The following RIMS2 variants were observed in gnomAD, a reference collection of about 807,000 sequenced individuals.
RIMS2 encodes regulating synaptic membrane exocytosis protein 2.
Under a neutral mutation model 174.4 loss-of-function variants are expected in RIMS2, and 59 were observed. The ratio of observed to expected loss-of-function variants is 0.34; its 90% CI spans 0.27 to 0.42. RIMS2 has a LOEUF of 0.42. Ranked by LOEUF, RIMS2 falls within the 10% of genes least tolerant of loss-of-function variation. RIMS2 has a pLI of 1.00. For synonymous variants in RIMS2, 606 were observed against 572.5 expected (o/e 1.06, Z -0.84); for missense variants, 1,620 against 1,666.3 (o/e 0.97, Z 0.48).
At chr8:104,093,712 A>G in intron 19 of RIMS2, 69 bp downstream of exon 24, 1 of 1,232,242 alleles carries the variant, frequency 8.1e-7, no homozygotes, top group Non-Finnish European at 1.1e-6. Flanking sequence ...CCGGATGAAC[A>G]TAAAATTATT....
chr8:103,748,581 C>T (rs1419325035), intron 2 of RIMS2, among the ~76,000 whole-genome samples: 1 of 152,168 alleles, frequency 6.6e-6, no homozygotes, highest in Non-Finnish European at 1.5e-5. Context: ...CAAGGTCGTT[C>T]TGGTGATTTC....
intron 19 of RIMS2, among the ~76,000 whole-genome samples, chr8:104,119,883 A>G (rs2098343859): frequency 6.6e-6 from 1 of 152,240 alleles, no homozygotes; most frequent in Non-Finnish European, 1.5e-5. Flanking sequence ...ATGAAAATGC[A>G]TGTATTAATA....
chr8:103,756,635 A>G (rs1006131687), intron 2 of RIMS2, among the ~76,000 whole-genome samples: 1 of 151,906 alleles, frequency 6.6e-6, no homozygotes, highest in African/African-American at 2.4e-5. Context: ...CATGTTGCCC[A>G]GGCTGGTCTC....
At chr8:103,809,308 A>G (rs1267193357) in intron 3 of RIMS2, among the ~76,000 whole-genome samples, 4 of 151,794 alleles carry the variant, frequency 2.6e-5, no homozygotes, top group Non-Finnish European at 5.9e-5. Context: ...TCTGAACTCC[A>G]AGATTATTTC....
chr8:103,921,173 C>T (rs1041609467), intron 9 of RIMS2, among the ~76,000 whole-genome samples: 20 of 152,120 alleles, frequency 1.3e-4, no homozygotes, highest in African/African-American at 4.8e-4. Flanking sequence ...AAATATTTAA[C>T]ATTTTATTCC....
At position 104,071,012 on chromosome 8, in the gene RIMS2, C is replaced by G. The variant is rs149757318; in HGVS notation, c.3334+56397C>G. Reference sequence around the variant, plus strand: ...CAACACTGAGCTTCTTAACAAGCAGCAAAGGCAGAAAGGGAAACTTGATCA... The same window carrying G: ...CAACACTGAGCTTCTTAACAAGCAGGAAAGGCAGAAAGGGAAACTTGATCA... On this transcript the variant is annotated intron_variant, in intron 19 of 23. Coordinates refer to ENST00000504942, the Ensembl canonical transcript of RIMS2. 7.0e-3 allele frequency among the ~76,000 whole-genome samples: 1,068 copies of G among 152,058 alleles called. 4 individuals carry two copies. The highest frequency in any genetic ancestry group is 0.012 in the Non-Finnish European group (811 of 67,996).
chr8:103,766,335 G>A (rs755533991), exon 3 of RIMS2: 1 of 1,613,470 alleles, frequency 6.2e-7, no homozygotes, highest in South Asian at 1.1e-5. Flanking sequence ...TGATCAAAAG[G>A]TTCTTCGAGG....
chr8:103,754,119 G>A (rs2097939751), intron 2 of RIMS2, among the ~76,000 whole-genome samples: 1 of 152,122 alleles, frequency 6.6e-6, no homozygotes. Flanking sequence ...AGAGATTCTG[G>A]TACGTTGTTT....
rs373123310 is a variant in RIMS2, at chr8:103,702,400, T to TA, written c.387+5104_387+5105insA. Among the ~76,000 whole-genome samples the TA allele has an allele frequency of 4.2e-3, 642 of 152,312 alleles. 4 individuals carry two copies. The highest frequency in any genetic ancestry group is 0.015 in the African/African-American group (611 of 41,570). On this transcript the variant is annotated intron_variant, in intron 2 of 23. Coordinates refer to ENST00000504942, the Ensembl canonical transcript of RIMS2. ...TGTGAGGGCTGTCTCTTCACTCTGT[T>TA]GATTGTTTCTTTTGCTGAGCATGAT... is the stretch of plus-strand genomic sequence containing the variant.
intron 1 of RIMS2, among the ~76,000 whole-genome samples, chr8:103,583,237 G>T (rs764541948): frequency 9.9e-5 from 15 of 152,190 alleles, no homozygotes; most frequent in Non-Finnish European, 1.9e-4. Flanking sequence ...GGCTTGGGGT[G>T]CTCTCTAAAA....
At chr8:104,039,347 G>C (rs951216563) in intron 19 of RIMS2, among the ~76,000 whole-genome samples, 1 of 151,528 alleles carries the variant, frequency 6.6e-6, no homozygotes, top group Non-Finnish European at 1.5e-5. Context: ...AACTTGTTTT[G>C]TATCATTGGG....
intron 1 of RIMS2, among the ~76,000 whole-genome samples, chr8:103,536,869 T>C (rs1393322680): frequency 6.6e-6 from 1 of 152,224 alleles, no homozygotes; most frequent in Non-Finnish European, 1.5e-5. Context: ...ACACTTTGAA[T>C]AATGTCTATT....
At chr8:103,547,563 A>G (rs1387697196) in intron 1 of RIMS2, among the ~76,000 whole-genome samples, 1 of 152,190 alleles carries the variant, frequency 6.6e-6, no homozygotes, top group Non-Finnish European at 1.5e-5. Context: ...CATTGGAAAG[A>G]TTTTAAATTA....
chr8:104,248,544 G>A (rs189997365), intron 20 of RIMS2, among the ~76,000 whole-genome samples, 157 bp from the exon 27 acceptor site: 1 of 152,150 alleles, frequency 6.6e-6, no homozygotes, highest in African/African-American at 2.4e-5. Context: ...TGAAGGAAGA[G>A]TCCTGGGAGG....
intron 15 of RIMS2, among the ~76,000 whole-genome samples, chr8:103,968,998 GT>G (rs1251812052): frequency 6.6e-6 from 1 of 151,718 alleles, no homozygotes; most frequent in Non-Finnish European, 1.5e-5. Flanking sequence ...TAGGTTGGTG[GT>G]TTTTTTCTTC....
At chr8:103,640,780 C>G (rs1271038093) in intron 1 of RIMS2, among the ~76,000 whole-genome samples, 1 of 151,926 alleles carries the variant, frequency 6.6e-6, no homozygotes, top group East Asian at 1.9e-4. Context: ...AGAATGTGGT[C>G]TGTCTTGGTG....
chr8:103,566,923 G>C (rs1273201388), intron 1 of RIMS2, among the ~76,000 whole-genome samples: 4 of 152,120 alleles, frequency 2.6e-5, no homozygotes, highest in Non-Finnish European at 5.9e-5. Context: ...TATAACCATA[G>C]TCTAATTTTA....
At chr8:103,606,421 G>A (rs1293550089) in intron 1 of RIMS2, among the ~76,000 whole-genome samples, 1 of 151,816 alleles carries the variant, frequency 6.6e-6, no homozygotes, top group South Asian at 2.1e-4. Flanking sequence ...TTACTTCCAA[G>A]TATGTGGTCA....
chr8:103,747,198 C>T (rs1235573905), intron 2 of RIMS2, among the ~76,000 whole-genome samples: 1 of 150,592 alleles, frequency 6.6e-6, no homozygotes, highest in African/African-American at 2.4e-5. Flanking sequence ...CCCACTAACT[C>T]GTCATCTAGC....
Sources: allele counts gnomAD v4.1 joint callset (sites outside exome capture counted in the v4.1 genomes callset), GRCh38; gene constraint gnomAD v4.1.1; transcripts MANE v1.5; gene names NCBI Gene and HGNC (gene_info 2026-07-23, HGNC 2026-07-21).